Variants in MAPKAP1 observed in about 807,000 individuals in gnomAD.
MAPKAP1 encodes the protein MAPK associated protein 1, also known as target of rapamycin complex 2 subunit MAPKAP1.
Under a neutral mutation model 65.7 loss-of-function variants are expected in MAPKAP1, and 20 were observed. The observed-to-expected ratio is 0.30, with a 90% CI of 0.21 to 0.44. The LOEUF (loss-of-function observed/expected upper bound fraction) is 0.44, where lower values mean the gene tolerates loss of function less well. Among genes scored for constraint, MAPKAP1 ranks in the 20% least tolerant of loss-of-function variants. The pLI is 1.00. For missense variants in MAPKAP1, 423 were observed against 648.0 expected (o/e 0.65, Z 3.77); for synonymous variants, 222 against 244.3 (o/e 0.91, Z 0.85).
intron 7 of MAPKAP1, among the ~76,000 whole-genome samples, chr9:125,539,419 C>G (rs1215281283): frequency 2.0e-5 from 3 of 152,202 alleles, no homozygotes; most frequent in African/African-American, 7.2e-5. Context: ...GCAAACCCCA[C>G]TTTGATGCTC....
intron 7 of MAPKAP1, among the ~76,000 whole-genome samples, chr9:125,534,518 T>C (rs1830019544): frequency 6.6e-6 from 1 of 152,194 alleles, no homozygotes; most frequent in Non-Finnish European, 1.5e-5. Context: ...ATGAGTAGCT[T>C]CTACTCTTCT....
chr9:125,698,136 C>T (rs992015884), intron 1 of MAPKAP1, among the ~76,000 whole-genome samples: 1 of 150,876 alleles, frequency 6.6e-6, no homozygotes, highest in Admixed American at 6.6e-5. Flanking sequence ...GCTACTCACG[C>T]ATGCGCGTTC....
intron 4 of MAPKAP1, among the ~76,000 whole-genome samples, chr9:125,646,625 A>G (rs1833732893): frequency 6.6e-6 from 1 of 152,244 alleles, no homozygotes; most frequent in Non-Finnish European, 1.5e-5. Context: ...TAAAACAATA[A>G]CATCATTTAA....
rs56911891 is a variant in MAPKAP1, at chr9:125,554,794, CAAAAAAA to C, written c.848+4832_848+4838del. 5.9e-3 allele frequency among the ~76,000 whole-genome samples: 387 copies of C among 65,644 alleles called. 5 individuals carry two copies. The highest frequency in any genetic ancestry group is 0.022 in the African/African-American group (348 of 15,652). 43.1% of individuals were successfully genotyped at this position (65,644 alleles called of 152,430 possible). Reference sequence around the variant, plus strand: ...CTAGGCCACACAGCAAGACACTTATCAAAAAAAAAAAAAAAAAAAAAAAGCATTTTCT... The same window carrying C: ...CTAGGCCACACAGCAAGACACTTATCAAAAAAAAAAAAAAAAGCATTTTCT... On this transcript the variant is annotated intron_variant, in intron 6 of 11. Transcript: ENST00000265960.
intron 10 of MAPKAP1, among the ~76,000 whole-genome samples, chr9:125,458,835 CGGG>C: frequency 1.5e-5 from 1 of 67,058 alleles, no homozygotes; most frequent in East Asian, 5.6e-4. Flanking sequence ...GGCGGCTGGC[CGGG>C]TGGGGGGCTG....
intron 3 of MAPKAP1, among the ~76,000 whole-genome samples, chr9:125,663,157 T>C (rs1834237758): frequency 6.6e-6 from 1 of 152,114 alleles, no homozygotes; most frequent in Admixed American, 6.5e-5. Context: ...AAAATACAAT[T>C]CCTTACCAGA....
chr9:125,658,424 T>C (rs182455684), intron 3 of MAPKAP1, among the ~76,000 whole-genome samples: 123 of 152,350 alleles, frequency 8.1e-4, no homozygotes, highest in Non-Finnish European at 1.5e-3. Flanking sequence ...AGCAAGTCAA[T>C]ATATCTCATT....
chr9:125,458,383 C>A (rs570846745), intron 10 of MAPKAP1, among the ~76,000 whole-genome samples: 214 of 152,088 alleles, frequency 1.4e-3, no homozygotes, highest in South Asian at 3.5e-3. Context: ...GTGTTTGTGT[C>A]CCTGGGTACT....
chr9:125,700,601 T>C (rs909721653), intron 1 of MAPKAP1, among the ~76,000 whole-genome samples: 4 of 152,196 alleles, frequency 2.6e-5, no homozygotes. Flanking sequence ...CATAAAACTG[T>C]ATTCTACTTT....
At chr9:125,451,503 A>G (rs1263386798) in intron 10 of MAPKAP1, among the ~76,000 whole-genome samples, 1 of 151,960 alleles carries the variant, frequency 6.6e-6, no homozygotes, top group Non-Finnish European at 1.5e-5. Context: ...TGTGGCCTAT[A>G]CCTTTCTCCA....
chr9:125,460,185 A>C (rs1424227107), intron 10 of MAPKAP1, among the ~76,000 whole-genome samples: 1 of 152,172 alleles, frequency 6.6e-6, no homozygotes, highest in Non-Finnish European at 1.5e-5. Context: ...AAAATCTAGG[A>C]AAACGCAAAT....
chr9:125,697,687 T>C (rs574357519), intron 1 of MAPKAP1, among the ~76,000 whole-genome samples: 3 of 152,230 alleles, frequency 2.0e-5, no homozygotes, highest in African/African-American at 7.2e-5. Context: ...ATTTCTTTAA[T>C]AAAGATTCCT....
chr9:125,515,995 A>C (rs1829450235), intron 7 of MAPKAP1, among the ~76,000 whole-genome samples: 2 of 152,236 alleles, frequency 1.3e-5, no homozygotes, highest in South Asian at 4.1e-4. Flanking sequence ...AAAGTTTATT[A>C]AAACAAATAT....
At chr9:125,604,175 T>G (rs947126758) in intron 4 of MAPKAP1, among the ~76,000 whole-genome samples, 25 of 152,332 alleles carry the variant, frequency 1.6e-4, no homozygotes, top group Admixed American at 1.6e-3. Context: ...ACTGTCTACA[T>G]TCATGAAAAT....
chr9:125,504,982 A>G (rs1485171299), intron 8 of MAPKAP1, among the ~76,000 whole-genome samples: 1 of 152,238 alleles, frequency 6.6e-6, no homozygotes, highest in Non-Finnish European at 1.5e-5. Context: ...GGTATGGGCC[A>G]GGGTCATCCT....
chr9:125,575,820 C>T (rs2131550672), intron 5 of MAPKAP1, among the ~76,000 whole-genome samples: 1 of 152,290 alleles, frequency 6.6e-6, no homozygotes, highest in East Asian at 1.9e-4. Flanking sequence ...GCTTACCATA[C>T]AATTTGTCAA....
chr9:125,505,156 G>A (rs1305715060), intron 8 of MAPKAP1, among the ~76,000 whole-genome samples: 1 of 152,238 alleles, frequency 6.6e-6, no homozygotes, highest in African/African-American at 2.4e-5. Flanking sequence ...GAACCGCCGG[G>A]CGCGGTGGCT....
chr9:125,500,062 A>T (rs1828923951), intron 8 of MAPKAP1, among the ~76,000 whole-genome samples: 1 of 152,230 alleles, frequency 6.6e-6, no homozygotes. Flanking sequence ...AAATTGGTGA[A>T]TTTATATGTG....
intron 5 of MAPKAP1, among the ~76,000 whole-genome samples, chr9:125,569,145 CTG>C (rs1831152949): frequency 6.6e-6 from 1 of 152,186 alleles, no homozygotes; most frequent in African/African-American, 2.4e-5. Context: ...AACAAAAAAA[CTG>C]GATGATGTCT....
Sources: gnomAD v4.1 joint callset for allele counts (sites outside exome capture counted in the v4.1 genomes callset) on GRCh38, gnomAD v4.1.1 for gene constraint, MANE v1.5 for transcripts, NCBI Gene and HGNC (gene_info 2026-07-23, HGNC 2026-07-21) for gene names.